Variants in NLGN1 observed in about 807,000 individuals in gnomAD.
The protein encoded by NLGN1 is neuroligin-1.
Under a neutral mutation model 65.5 loss-of-function variants are expected in NLGN1, and 12 were observed. The ratio of observed to expected loss-of-function variants is 0.18; its 90% CI spans 0.12 to 0.30. The LOEUF is 0.30. Ranked by LOEUF, NLGN1 falls within the 10% of genes least tolerant of loss-of-function variation. The probability of loss-of-function intolerance (pLI) is 1.00; values close to 1 mark genes in which losing one functional copy is unlikely to be tolerated. For synonymous variants in NLGN1, 350 were observed against 359.5 expected, an observed-to-expected ratio of 0.97 and a Z score of 0.30; for missense variants, 750 against 1,007.1, an observed-to-expected ratio of 0.74 and a Z score of 3.46.
chr3:174,036,514 G>C (rs1458836552), intron 4 of NLGN1, among the ~76,000 whole-genome samples: 5 of 151,618 alleles, frequency 3.3e-5, no homozygotes, highest in African/African-American at 1.2e-4. Flanking sequence ...CCTTGGAAGA[G>C]ATAGTAGGGA....
chr3:173,647,780 A>G (rs1349574435), intron 3 of NLGN1, among the ~76,000 whole-genome samples: 4 of 152,146 alleles, frequency 2.6e-5, no homozygotes, highest in Non-Finnish European at 5.9e-5. Context: ...GAATAGGAGC[A>G]AATTCTGCCA....
intron 2 of NLGN1, among the ~76,000 whole-genome samples, chr3:173,566,642 C>A (rs1743721396): frequency 6.6e-6 from 1 of 152,174 alleles, no homozygotes; most frequent in Non-Finnish European, 1.5e-5. Context: ...TACCCTCACC[C>A]TGCAAACAAT....
At chr3:173,785,569 A>C (rs1560366640) in intron 3 of NLGN1, among the ~76,000 whole-genome samples, 1 of 152,168 alleles carries the variant, frequency 6.6e-6, no homozygotes, top group Non-Finnish European at 1.5e-5. Flanking sequence ...TTTTAAACCA[A>C]CATGGTACAA....
chr3:173,496,217 T>C (rs1239980698), intron 2 of NLGN1, among the ~76,000 whole-genome samples: 2 of 151,780 alleles, frequency 1.3e-5, no homozygotes, highest in African/African-American at 2.4e-5. Context: ...CAGTCCTTTA[T>C]TGAGTGTCTG....
At chr3:174,285,129 A>T (rs1375223530) in exon 7 of NLGN1, 1 of 151,420 alleles carries the variant, frequency 6.6e-6, no homozygotes, top group Non-Finnish European at 1.5e-5. Flanking sequence ...TAAAGACACT[A>T]CTACATAGAA....
intron 3 of NLGN1, chr3:173,800,253 C>CTTTTTTTTTTTTTTTTTTTT: frequency 1.8e-6 from 1 of 547,952 alleles, no homozygotes. Context: ...CTTGAATTGT[C>CTTTTTTTTTTTTTTTTTTTT]TTTTTTTTTT....
intron 4 of NLGN1, among the ~76,000 whole-genome samples, chr3:173,885,565 T>C (rs775184197): frequency 1.6e-4 from 24 of 152,104 alleles, no homozygotes; most frequent in Non-Finnish European, 2.6e-4. Flanking sequence ...TATATTGCTA[T>C]ATTAAATATA....
At chr3:173,486,150 C>G (rs745370947) in intron 2 of NLGN1, among the ~76,000 whole-genome samples, 4 of 151,894 alleles carry the variant, frequency 2.6e-5, no homozygotes, top group Non-Finnish European at 4.4e-5. Flanking sequence ...GTTCAAGCGA[C>G]TCTCCTGCCT....
chr3:173,545,739 A>G (rs1739688698), intron 2 of NLGN1, among the ~76,000 whole-genome samples: 1 of 152,190 alleles, frequency 6.6e-6, no homozygotes, highest in Non-Finnish European at 1.5e-5. Flanking sequence ...TGTGGCACAT[A>G]TACACCGTGG....
chr3:173,426,626 T>G (rs1187806149), intron 1 of NLGN1, among the ~76,000 whole-genome samples: 1 of 151,932 alleles, frequency 6.6e-6, no homozygotes, highest in Non-Finnish European at 1.5e-5. Context: ...TATAGCACAT[T>G]TATTTATTTA....
intron 3 of NLGN1, among the ~76,000 whole-genome samples, chr3:173,615,650 C>A (rs976529595): frequency 6.6e-6 from 1 of 151,816 alleles, no homozygotes; most frequent in African/African-American, 2.4e-5. Flanking sequence ...ACACATCAGG[C>A]ATAACCAAAA....
At position 173,419,008 on chromosome 3, in the gene NLGN1, TTTCTTC is replaced by T. The variant is rs1302517222; in HGVS notation, c.-389-15993_-389-15988del. On this transcript the variant is annotated intron_variant, in intron 1 of 6. Transcript: ENST00000457714. ...TGCAGTTTCCTTTCTGTTCTTTAGC[TTTCTTC>T]TTCTTCTTTTTTTTTTTTTTTTTTT... Among the ~76,000 whole-genome samples the T allele has an allele frequency of 2.2e-5, 3 of 136,830 alleles. No homozygotes were observed. In the East Asian group the frequency reaches 6.3e-4, roughly 29 times the overall value. The allele number at this position is 136,830 out of a possible 152,430, so 89.8% of individuals were successfully genotyped here.
chr3:174,174,546 T>C (rs1729106200), intron 4 of NLGN1, among the ~76,000 whole-genome samples: 1 of 152,072 alleles, frequency 6.6e-6, no homozygotes. Flanking sequence ...TATCGCATTG[T>C]GGTTTTGATT....
At chr3:174,228,820 AC>A (rs560206039) in intron 4 of NLGN1, among the ~76,000 whole-genome samples, 1 of 152,214 alleles carries the variant, frequency 6.6e-6, no homozygotes, top group African/African-American at 2.4e-5. Flanking sequence ...TTCTGTGGGA[AC>A]CAAGAAATAG....
chr3:173,847,508 G>T (rs140117611), intron 4 of NLGN1, among the ~76,000 whole-genome samples: 1 of 152,146 alleles, frequency 6.6e-6, no homozygotes, highest in African/African-American at 2.4e-5. Flanking sequence ...TTAAAGACTG[G>T]CTTATTACAA....
chr3:173,445,799 G>A (rs529295127), intron 2 of NLGN1, among the ~76,000 whole-genome samples: 1 of 152,268 alleles, frequency 6.6e-6, no homozygotes, highest in South Asian at 2.1e-4. Flanking sequence ...TCAGAAGACA[G>A]GGAAGTTTGG....
At chr3:174,001,805 C>G (rs1473839147) in intron 4 of NLGN1, among the ~76,000 whole-genome samples, 2 of 152,004 alleles carry the variant, frequency 1.3e-5, no homozygotes, top group Non-Finnish European at 2.9e-5. Context: ...AGCAGTGGTC[C>G]TCAATGTAAT....
At chr3:174,127,886 G>C (rs1719295331) in intron 4 of NLGN1, among the ~76,000 whole-genome samples, 1 of 152,162 alleles carries the variant, frequency 6.6e-6, no homozygotes. Context: ...AGTATAGTGA[G>C]CCTGGTTGTC....
At chr3:173,858,081 A>G (rs1014221359) in intron 4 of NLGN1, among the ~76,000 whole-genome samples, 2 of 151,952 alleles carry the variant, frequency 1.3e-5, no homozygotes, top group Admixed American at 1.3e-4. Flanking sequence ...ATACAAAACC[A>G]TTTCTCTTCG....
Sources: gnomAD v4.1 joint callset for allele counts (sites outside exome capture counted in the v4.1 genomes callset) on GRCh38, gnomAD v4.1.1 for gene constraint, MANE v1.5 for transcripts, NCBI Gene and HGNC (gene_info 2026-07-23, HGNC 2026-07-21) for gene names.